SLC14A2: variants seen among roughly 807,000 people sequenced by gnomAD.
The protein encoded by SLC14A2 is solute carrier family 14 member 2, also known as urea transporter 2.
In SLC14A2, 91 loss-of-function variants were observed where a neutral mutation model predicts 104.6. The observed-to-expected ratio is 0.87, with a 90% CI of 0.73 to 1.04. The LOEUF (loss-of-function observed/expected upper bound fraction) is 1.04. SLC14A2 is among the 50% of genes least tolerant of loss of function. The probability of loss-of-function intolerance (pLI) is 0.00; values close to 1 mark genes in which losing one functional copy is unlikely to be tolerated. For synonymous variants in SLC14A2, 476 were observed against 466.4 expected (o/e 1.02, Z -0.27); for missense variants, 1,189 against 1,156.0 (o/e 1.03, Z -0.41).
chr18:45,459,237 GTGGAGA>G (rs2086999434), intron 1 of SLC14A2, among the ~76,000 whole-genome samples: 1 of 152,326 alleles, frequency 6.6e-6, no homozygotes, highest in East Asian at 1.9e-4. Flanking sequence ...GAGTCTTAGG[GTGGAGA>G]CAGAGAGGGC....
intron 1 of SLC14A2, among the ~76,000 whole-genome samples, chr18:45,368,959 A>C (rs1343904119): frequency 6.6e-6 from 1 of 152,204 alleles, no homozygotes; most frequent in Non-Finnish European, 1.5e-5. Flanking sequence ...TCTTCAGCCA[A>C]GAAGAAGCTC....
intron 1 of SLC14A2, among the ~76,000 whole-genome samples, chr18:45,616,757 G>A (rs2045077719): frequency 6.6e-6 from 1 of 152,212 alleles, no homozygotes; most frequent in Admixed American, 6.5e-5. Context: ...TTCATGGGAT[G>A]AGAGGGCTCA....
chr18:45,652,534 C>T (rs1007652772), intron 10 of SLC14A2, among the ~76,000 whole-genome samples: 4 of 152,202 alleles, frequency 2.6e-5, no homozygotes, highest in Non-Finnish European at 5.9e-5. Context: ...TGGACTTGGG[C>T]CCTTTCCCTT....
intron 2 of SLC14A2, among the ~76,000 whole-genome samples, chr18:45,567,780 T>C (rs1246992912): frequency 1.3e-5 from 2 of 152,104 alleles, no homozygotes; most frequent in African/African-American, 4.8e-5. Context: ...GTCAAAATGG[T>C]CAGTATTCAA....
chr18:45,305,162 G>T (rs1057468261), intron 1 of SLC14A2, among the ~76,000 whole-genome samples: 1 of 152,224 alleles, frequency 6.6e-6, no homozygotes, highest in Non-Finnish European at 1.5e-5. Flanking sequence ...CAACAGCAAG[G>T]TCTAGGTGAG....
intron 2 of SLC14A2, chr18:45,515,415 T>G (rs1406307157): frequency 6.6e-6 from 1 of 152,192 alleles, no homozygotes; most frequent in Non-Finnish European, 1.5e-5. Context: ...TTTTAATCTT[T>G]CTGAGCTTCC....
At position 45,641,454 on chromosome 18, in the gene SLC14A2, G is replaced by A. The variant is rs1285443407; in HGVS notation, c.1126+111G>A. 1.8e-5 allele frequency: 23 copies of A among 1,270,098 alleles called. 1 individual carries two copies. The Middle Eastern group carries it at 9.6e-4, about 53-fold the overall frequency. 78.7% of individuals were successfully genotyped at this position (1,270,098 alleles called of 1,614,324 possible). A position where few individuals can be genotyped will look rare whatever the true frequency, so the allele number is the denominator to read the frequency against. On this transcript the variant is annotated intron_variant, in intron 8 of 19. Coordinates refer to ENST00000255226, the MANE Select transcript of SLC14A2 (RefSeq NM_007163.4). ...CAATACTGTTCAGCAGTGACAGAAA[G>A]GCCAATGGCTTGCGTCCTAATGCCA...
At chr18:45,657,445 C>A (rs1436200525) in intron 10 of SLC14A2, among the ~76,000 whole-genome samples, 1 of 147,356 alleles carries the variant, frequency 6.8e-6, no homozygotes, top group African/African-American at 2.5e-5. Context: ...CGAGATCACG[C>A]CACTGCACTC....
chr18:45,214,647 C>T (rs548344592), intron 1 of SLC14A2, among the ~76,000 whole-genome samples: 1 of 151,888 alleles, frequency 6.6e-6, no homozygotes, highest in South Asian at 2.1e-4. Context: ...GAGGGTATTA[C>T]TTTGTCTTTC....
chr18:45,625,846 A>T lies in SLC14A2; in HGVS notation c.314A>T (p.Tyr105Phe), dbSNP rs1171485550. 3.1e-5 allele frequency: 46 copies of T among 1,489,036 alleles called. No individual in the cohort carries two copies. Among genetic ancestry groups the T allele is most frequent in the Non-Finnish European group, 3.8e-5 (43 of 1,121,888 alleles). The allele number at this position is 1,489,036 out of a possible 1,614,324, so 92.2% of individuals were successfully genotyped here. The change falls in exon 3 of 20, where the codon TAC becomes TTC. Residue 105 changes from tyrosine to phenylalanine, a missense_variant. Transcript: ENST00000255226. ...VGYLTGDMKE[Y>F]RIWLKDKHLA... is the part of the protein sequence containing the mutation. Reference sequence around the variant, plus strand: ...TACCTCACGGGCGACATGAAGGAGTACAGGATCTGGCTGAAAGGTAGGAAA... The same window carrying T: ...TACCTCACGGGCGACATGAAGGAGTTCAGGATCTGGCTGAAAGGTAGGAAA...
upstream of SLC14A2, among the ~76,000 whole-genome samples, chr18:45,210,045 C>T (rs2083949195): frequency 6.6e-6 from 1 of 152,204 alleles, no homozygotes; most frequent in Admixed American, 6.5e-5. Flanking sequence ...TGTCTTACCT[C>T]CTCAAATATC....
chr18:45,225,785 CTGTT>C (rs1429716303), intron 1 of SLC14A2, among the ~76,000 whole-genome samples: 2 of 152,098 alleles, frequency 1.3e-5, no homozygotes, highest in Admixed American at 6.5e-5. Flanking sequence ...ATTTGGCTCT[CTGTT>C]TGTCTGTTAT....
Position 45,310,033 on chromosome 18 carries a change from G to A in SLC14A2, c.-125+96842G>A, listed in dbSNP as rs141921857. On this transcript the variant is annotated intron_variant, in intron 1 of 20. Coordinates refer to the SLC14A2 transcript ENST00000586448. ...TTTTGAGATTCATCCATATCGATGC[G>A]TAGGACCATAATTCATGCTTTTCTA... Among the ~76,000 whole-genome samples the A allele has an allele frequency of 1.4e-3, 210 of 151,794 alleles. 1 individual carries two copies. Among genetic ancestry groups the A allele is most frequent in the African/African-American group, 4.1e-3 (169 of 41,358 alleles).
At chr18:45,296,629 T>C (rs140006252) in intron 1 of SLC14A2, among the ~76,000 whole-genome samples, 203 of 152,316 alleles carry the variant, frequency 1.3e-3, no homozygotes, top group African/African-American at 4.8e-3. Context: ...GCATTAATTA[T>C]AAGTAACTGT....
intron 1 of SLC14A2, among the ~76,000 whole-genome samples, chr18:45,391,668 G>T (rs1598748526): frequency 6.6e-6 from 1 of 152,156 alleles, no homozygotes; most frequent in Non-Finnish European, 1.5e-5. Context: ...GCATCTCTCT[G>T]ATGGCCAGTG....
At chr18:45,222,811 G>T (rs2084076261) in intron 1 of SLC14A2, among the ~76,000 whole-genome samples, 1 of 152,160 alleles carries the variant, frequency 6.6e-6, no homozygotes. Flanking sequence ...TCCCTAGAAA[G>T]TTGGTCCTAC....
intron 1 of SLC14A2, among the ~76,000 whole-genome samples, chr18:45,351,172 A>G (rs200617535): frequency 6.6e-6 from 1 of 152,078 alleles, no homozygotes; most frequent in Non-Finnish European, 1.5e-5. Context: ...ATAATCACCT[A>G]TTTGTATTTC....
At chr18:45,353,400 A>G (rs1598711568) in intron 1 of SLC14A2, among the ~76,000 whole-genome samples, 3 of 152,250 alleles carry the variant, frequency 2.0e-5, no homozygotes, top group African/African-American at 2.4e-5. Context: ...AGAGATTTCC[A>G]TAAATAGCAC....
At chr18:45,344,659 A>G (rs1001173293) in intron 1 of SLC14A2, among the ~76,000 whole-genome samples, 6 of 152,158 alleles carry the variant, frequency 3.9e-5, no homozygotes, top group African/African-American at 1.4e-4. Flanking sequence ...ATGATAAATA[A>G]ATCTCCTAAT....
Sources: allele counts gnomAD v4.1 joint callset (sites outside exome capture counted in the v4.1 genomes callset), GRCh38; gene constraint gnomAD v4.1.1; transcripts MANE v1.5; gene names NCBI Gene and HGNC (gene_info 2026-07-23, HGNC 2026-07-21).